The following SLC22A15 variants were observed in gnomAD, a reference collection of about 807,000 sequenced individuals.
The protein encoded by SLC22A15 is flipt 1.
Under a neutral mutation model 62.7 loss-of-function variants are expected in SLC22A15, and 45 were observed. That is an observed-to-expected ratio of 0.72 (90% CI 0.56 to 0.92). The LOEUF (loss-of-function observed/expected upper bound fraction) is 0.92. SLC22A15 is among the 40% of genes least tolerant of loss of function. The probability of loss-of-function intolerance (pLI) is 0.00; values close to 1 mark genes in which losing one functional copy is unlikely to be tolerated. For synonymous variants in SLC22A15, 264 were observed against 267.0 expected, an observed-to-expected ratio of 0.99 and a Z score of 0.11; for missense variants, 622 against 665.6, an observed-to-expected ratio of 0.93 and a Z score of 0.72.
intron 2 of SLC22A15, among the ~76,000 whole-genome samples, chr1:116,006,572 C>T (rs1001362674): frequency 9.2e-5 from 14 of 152,142 alleles, no homozygotes; most frequent in African/African-American, 3.4e-4. Flanking sequence ...TTCCTGTTAC[C>T]TAAATCTTAG....
At chr1:116,044,788 A>T (rs1657885888) in intron 8 of SLC22A15, among the ~76,000 whole-genome samples, 1 of 152,208 alleles carries the variant, frequency 6.6e-6, no homozygotes, top group Admixed American at 6.5e-5. Flanking sequence ...AAAAAATATG[A>T]AAAATTTAGG....
intron 2 of SLC22A15, among the ~76,000 whole-genome samples, chr1:116,008,848 A>G (rs1329674846): frequency 6.6e-6 from 1 of 152,204 alleles, no homozygotes; most frequent in Non-Finnish European, 1.5e-5. Context: ...GAGGCCAGGC[A>G]GGCAGCCCAT....
In SLC22A15 at chr1:116,066,631, T is replaced by G. The variant is rs1658505930; in HGVS notation, c.1477T>G (p.Phe493Val). The change falls in exon 11 of 12, where the codon TTC becomes GTC. Residue 493 changes from phenylalanine to valine, a missense_variant. Transcript: ENST00000369503. The part of the protein sequence containing the change: ...ETLNSPLLET[F>V]SDLQVYSYRR... ...CCTTAACAGTCCGCTGCTAGAAACA[T>G]TCTCCGACCTTCAGGTGTATTCGTA... 6.2e-7 allele frequency: 1 copy of G among 1,612,034 alleles called. No homozygotes were observed. Among genetic ancestry groups the G allele is most frequent in the African/African-American group, 1.3e-5 (1 of 74,908 alleles).
intron 8 of SLC22A15, among the ~76,000 whole-genome samples, chr1:116,043,932 T>C (rs1657858717): frequency 6.6e-6 from 1 of 152,156 alleles, no homozygotes; most frequent in Admixed American, 6.5e-5. Flanking sequence ...TAGCACCATA[T>C]CTACTAAAAA....
At chr1:115,978,885 G>A (rs574435411) in intron 1 of SLC22A15, among the ~76,000 whole-genome samples, 1 of 152,238 alleles carries the variant, frequency 6.6e-6, no homozygotes, top group Non-Finnish European at 1.5e-5. Context: ...AAATGAAAGG[G>A]GGTTTTTCTG....
rs200800283 is a variant in SLC22A15, at chr1:116,068,453, A to G, written c.*1345A>G. ...TGGAAGTGCTGGAAGCATCACCCCA[A>G]TTGGCTCCAAATACTGTCATGTTTT... On this transcript the variant is annotated 3_prime_UTR_variant, in exon 12 of 12. Coordinates refer to ENST00000369503, the MANE Select transcript of SLC22A15 (RefSeq NM_018420.3). 29 of 152,512 alleles carry G rather than the reference A, an allele frequency of 1.9e-4. No homozygotes were observed. The East Asian group carries it at 3.5e-3, about 18-fold the overall frequency. The allele number at this position is 152,512 out of a possible 1,614,324, so 9.4% of individuals were successfully genotyped here. A position where few individuals can be genotyped will look rare whatever the true frequency, so the allele number is the denominator to read the frequency against.
chr1:116,065,184 A>T (rs1353791529), intron 10 of SLC22A15, among the ~76,000 whole-genome samples: 1 of 152,122 alleles, frequency 6.6e-6, no homozygotes, highest in Non-Finnish European at 1.5e-5. Flanking sequence ...AGACTTTTTG[A>T]AAGCAACTAG....
intron 8 of SLC22A15, among the ~76,000 whole-genome samples, chr1:116,053,468 G>A (rs1313867020): frequency 1.3e-5 from 2 of 152,160 alleles, no homozygotes; most frequent in African/African-American, 4.8e-5. Flanking sequence ...GAACCAAGTT[G>A]GAAAACACTC....
At chr1:115,994,246 G>C (rs1238411338) in intron 2 of SLC22A15, among the ~76,000 whole-genome samples, 1 of 152,062 alleles carries the variant, frequency 6.6e-6, no homozygotes, top group Non-Finnish European at 1.5e-5. Context: ...ATAACAAACA[G>C]CTTTGTTTAA....
intron 8 of SLC22A15, among the ~76,000 whole-genome samples, chr1:116,050,121 A>G (rs913852084): frequency 2.0e-5 from 3 of 152,166 alleles, no homozygotes; most frequent in Non-Finnish European, 4.4e-5. Flanking sequence ...TACCAACAAA[A>G]AAAAGTCCAG....
chr1:115,998,972 A>G (rs925522724), intron 2 of SLC22A15, among the ~76,000 whole-genome samples: 3 of 151,808 alleles, frequency 2.0e-5, no homozygotes, highest in African/African-American at 4.8e-5. Flanking sequence ...GGTATATTGT[A>G]TTTCTATTTT....
intron 8 of SLC22A15, among the ~76,000 whole-genome samples, chr1:116,047,176 C>T (rs1169394803): frequency 6.6e-6 from 1 of 152,160 alleles, no homozygotes; most frequent in Non-Finnish European, 1.5e-5. Context: ...CACCTGTAAT[C>T]CCAGCACTAT....
chr1:116,024,614 A>G lies in SLC22A15; in HGVS notation c.599-2279A>G, dbSNP rs555590355. ...TACGCCTTCTCCCTGTTGTCATTCTAATGAGCTCATATATAAGGGAAAATC... is the reference window on the plus strand; with the variant it reads ...TACGCCTTCTCCCTGTTGTCATTCTGATGAGCTCATATATAAGGGAAAATC... On this transcript the variant is annotated intron_variant, in intron 4 of 11. Transcript: ENST00000369503. 2.0e-5 allele frequency among the ~76,000 whole-genome samples: 3 copies of G among 152,178 alleles called. No homozygotes were observed. The South Asian group carries it at 6.2e-4, about 32-fold the overall frequency.
intron 8 of SLC22A15, among the ~76,000 whole-genome samples, chr1:116,055,887 G>A (rs543204210): frequency 7.4e-4 from 110 of 149,064 alleles, no homozygotes; most frequent in Non-Finnish European, 1.2e-3. Context: ...AATAAATTAG[G>A]TATTGATGGG....
chr1:115,983,444 G>A (rs1314996964), intron 1 of SLC22A15, among the ~76,000 whole-genome samples: 4 of 151,620 alleles, frequency 2.6e-5, no homozygotes, highest in East Asian at 3.8e-4. Context: ...GTGTGTGCAC[G>A]CGCACATGTG....
chr1:116,045,667 G>C (rs1657912202), intron 8 of SLC22A15, among the ~76,000 whole-genome samples: 1 of 150,284 alleles, frequency 6.7e-6, no homozygotes, highest in Non-Finnish European at 1.5e-5. Context: ...TGAACCCGGG[G>C]GGTAGAGGTT....
chr1:116,068,055 A>G lies in SLC22A15; in HGVS notation c.*947A>G, dbSNP rs764812359. 6.6e-6 allele frequency: 1 copy of G among 152,648 alleles called. No homozygotes were observed. Among genetic ancestry groups the G allele is most frequent in the Non-Finnish European group, 1.5e-5 (1 of 68,044 alleles). 9.5% of individuals were successfully genotyped at this position (152,648 alleles called of 1,614,324 possible). ...AATTTTTGTTTGTTTTGCTTTCAGC[A>G]TTGTGCCATGAGGGATTTGGACAAT... On this transcript the variant is annotated 3_prime_UTR_variant, in exon 12 of 12. Transcript: ENST00000369503.
intron 1 of SLC22A15, among the ~76,000 whole-genome samples, chr1:115,991,772 G>T (rs1194404137): frequency 6.6e-6 from 1 of 152,176 alleles, no homozygotes; most frequent in African/African-American, 2.4e-5. Context: ...TTTAGCATCA[G>T]AAATATCTCA....
At chr1:115,993,428 A>AGAGTGTGTGTGTGT (rs1406043731) in intron 2 of SLC22A15, among the ~76,000 whole-genome samples, 13 of 143,564 alleles carry the variant, frequency 9.1e-5, no homozygotes, top group East Asian at 4.1e-4. Flanking sequence ...AGTGTGTGAG[A>AGAGTGTGTGTGTGT]GTGTGTGTGT....
Sources: allele counts gnomAD v4.1 joint callset (sites outside exome capture counted in the v4.1 genomes callset), GRCh38; gene constraint gnomAD v4.1.1; transcripts MANE v1.5; gene names NCBI Gene and HGNC (gene_info 2026-07-23, HGNC 2026-07-21).